Variants in EXOC6B observed in about 807,000 individuals in gnomAD.
EXOC6B encodes the protein exocyst complex component 6B.
EXOC6B carries 54 observed loss-of-function variants against 113.5 expected under a neutral mutation model. The observed-to-expected ratio is 0.48, with a 90% CI of 0.38 to 0.60. The LOEUF (loss-of-function observed/expected upper bound fraction) is 0.60. Among genes scored for constraint, EXOC6B ranks in the 20% least tolerant of loss-of-function variants. The pLI, the probability that EXOC6B is intolerant of heterozygous loss-of-function variation, is 0.00. For synonymous variants in EXOC6B, 357 were observed against 339.0 expected (o/e 1.05, Z -0.58); for missense variants, 797 against 977.5 (o/e 0.82, Z 2.46).
chr2:72,477,365 G>C (rs949183944), intron 17 of EXOC6B, among the ~76,000 whole-genome samples: 2 of 152,034 alleles, frequency 1.3e-5, no homozygotes, highest in African/African-American at 4.8e-5. Flanking sequence ...TTTGACTCCT[G>C]TCTTTCTCTT....
At chr2:72,705,110 C>G (rs1204318227) in intron 6 of EXOC6B, among the ~76,000 whole-genome samples, 1 of 150,954 alleles carries the variant, frequency 6.6e-6, no homozygotes, top group Non-Finnish European at 1.5e-5. Flanking sequence ...TCCAGCAGCA[C>G]ATCAAAAAGC....
intron 7 of EXOC6B, among the ~76,000 whole-genome samples, chr2:72,564,869 G>A (rs1331824169): frequency 2.0e-5 from 3 of 152,092 alleles, no homozygotes; most frequent in Non-Finnish European, 4.4e-5. Context: ...TTATGCCAAG[G>A]AGCTTCTCAC....
intron 2 of EXOC6B, among the ~76,000 whole-genome samples, chr2:72,737,277 G>C (rs768984252): frequency 1.3e-5 from 2 of 151,910 alleles, no homozygotes; most frequent in Non-Finnish European, 2.9e-5. Flanking sequence ...CCAGGAGGCA[G>C]ACATTGCAGT....
intron 20 of EXOC6B, among the ~76,000 whole-genome samples, chr2:72,331,587 T>C (rs149819857): frequency 6.6e-6 from 1 of 152,208 alleles, no homozygotes; most frequent in Non-Finnish European, 1.5e-5. Flanking sequence ...TATACACATA[T>C]ATTTGATTTT....
chr2:72,401,589 AT>A, intron 18 of EXOC6B, among the ~76,000 whole-genome samples: 1 of 42,602 alleles, frequency 2.3e-5, no homozygotes, highest in African/African-American at 2.7e-4. Context: ...ATACATATAT[AT>A]ATATATATAT....
chr2:72,824,356 A>T (rs938940436), intron 1 of EXOC6B, among the ~76,000 whole-genome samples: 1 of 152,226 alleles, frequency 6.6e-6, no homozygotes, highest in African/African-American at 2.4e-5. Flanking sequence ...ACTGCACTGC[A>T]GCCTAGGAGA....
At chr2:72,774,763 G>C (rs907958118) in intron 1 of EXOC6B, among the ~76,000 whole-genome samples, 2 of 152,000 alleles carry the variant, frequency 1.3e-5, no homozygotes, top group African/African-American at 4.8e-5. Context: ...CTATCTGCTG[G>C]AGTTAGCATC....
At position 72,617,940 on chromosome 2, in the gene EXOC6B, G is replaced by A. The variant is rs1278224749; in HGVS notation, c.670-42272C>T. ...TTTTAGACCCTGTTTCACCCCATTCGGGAGGTCTATGATTGCCTCTTAGTT... is the reference window on the plus strand; with the variant it reads ...TTTTAGACCCTGTTTCACCCCATTCAGGAGGTCTATGATTGCCTCTTAGTT... On this transcript the variant is annotated intron_variant, in intron 6 of 21. Transcript: ENST00000272427. Among the ~76,000 whole-genome samples the A allele has an allele frequency of 3.9e-5, 6 of 152,172 alleles. No homozygotes were observed. In the South Asian group the frequency reaches 1.0e-3, roughly 26 times the overall value.
chr2:72,328,826 C>T (rs1354571191), intron 20 of EXOC6B, among the ~76,000 whole-genome samples: 1 of 152,114 alleles, frequency 6.6e-6, no homozygotes, highest in Non-Finnish European at 1.5e-5. Flanking sequence ...ATCAGTGGTA[C>T]AGATAATCTC....
intron 18 of EXOC6B, among the ~76,000 whole-genome samples, chr2:72,400,621 A>C (rs1252442367): frequency 6.6e-6 from 1 of 151,896 alleles, no homozygotes; most frequent in Admixed American, 6.6e-5. Context: ...CCATTAAAAA[A>C]TCGGCAAAGG....
chr2:72,395,603 C>G (rs1222793192), intron 18 of EXOC6B, among the ~76,000 whole-genome samples: 1 of 151,916 alleles, frequency 6.6e-6, no homozygotes, highest in African/African-American at 2.4e-5. Flanking sequence ...GTGCATGAAC[C>G]AACACATCCA....
chr2:72,299,861 C>T (rs1168347381), intron 20 of EXOC6B, among the ~76,000 whole-genome samples: 1 of 152,204 alleles, frequency 6.6e-6, no homozygotes, highest in Non-Finnish European at 1.5e-5. Flanking sequence ...TGGGTATCAC[C>T]AGTGGAGGCT....
chr2:72,480,359 C>G (rs1458758072), intron 17 of EXOC6B, among the ~76,000 whole-genome samples: 1 of 152,158 alleles, frequency 6.6e-6, no homozygotes, highest in African/African-American at 2.4e-5. Flanking sequence ...TAGTGATTTA[C>G]ATGTACAAAA....
At chr2:72,409,472 G>A (rs535231867) in intron 18 of EXOC6B, among the ~76,000 whole-genome samples, 112 of 152,246 alleles carry the variant, frequency 7.4e-4, no homozygotes, top group African/African-American at 2.5e-3. Flanking sequence ...CAACCCAAAT[G>A]TCCAACAATG....
chr2:72,563,779 C>G (rs1704015400), intron 7 of EXOC6B, among the ~76,000 whole-genome samples: 1 of 151,994 alleles, frequency 6.6e-6, no homozygotes, highest in Admixed American at 6.6e-5. Context: ...CATCTTAGTT[C>G]AGGTAAAAGA....
intron 6 of EXOC6B, among the ~76,000 whole-genome samples, chr2:72,642,475 C>A (rs1259985078): frequency 6.8e-6 from 1 of 147,484 alleles, no homozygotes; most frequent in African/African-American, 2.5e-5. Flanking sequence ...CTACAACTAT[C>A]TGATCTTTGA....
intron 20 of EXOC6B, among the ~76,000 whole-genome samples, chr2:72,198,371 C>A (rs1679296585): frequency 6.6e-6 from 1 of 152,144 alleles, no homozygotes; most frequent in Non-Finnish European, 1.5e-5. Context: ...TTGAAAAGGA[C>A]TTTTCAGATC....
At chr2:72,504,088 T>G (rs1700478404) in intron 11 of EXOC6B, among the ~76,000 whole-genome samples, 1 of 152,028 alleles carries the variant, frequency 6.6e-6, no homozygotes, top group African/African-American at 2.4e-5. Context: ...TTTAATTTTT[T>G]TTGTAGATGG....
chr2:72,751,884 C>G (rs1009022939), intron 1 of EXOC6B, among the ~76,000 whole-genome samples: 1 of 152,078 alleles, frequency 6.6e-6, no homozygotes, highest in African/African-American at 2.4e-5. Flanking sequence ...AATAAAAAGA[C>G]ATAAGCCTTA....
Sources: allele counts gnomAD v4.1 joint callset (sites outside exome capture counted in the v4.1 genomes callset), GRCh38; gene constraint gnomAD v4.1.1; transcripts MANE v1.5; gene names NCBI Gene and HGNC (gene_info 2026-07-23, HGNC 2026-07-21).